The following RALY variants were observed in gnomAD, a reference collection of about 807,000 sequenced individuals.
RALY encodes RNA-binding protein Raly.
A neutral mutation model predicts 30.7 loss-of-function variants in RALY; 15 were observed. That is an observed-to-expected ratio of 0.49 (90% confidence interval 0.33 to 0.75). The LOEUF is 0.75. RALY is among the 30% of genes least tolerant of loss of function. RALY has a pLI of 0.02. For synonymous variants in RALY, 177 were observed against 170.8 expected, an observed-to-expected ratio of 1.04 and a Z score of -0.28; for missense variants, 339 against 414.3, an observed-to-expected ratio of 0.82 and a Z score of 1.58.
intron 1 of RALY, among the ~76,000 whole-genome samples, chr20:34,008,784 G>T (rs2031275231): frequency 6.6e-6 from 1 of 152,066 alleles, no homozygotes; most frequent in East Asian, 1.9e-4. Context: ...TCAGTCTCCT[G>T]AGTAGCTGGA....
intron 2 of RALY, among the ~76,000 whole-genome samples, chr20:34,051,688 T>C (rs1375223745): frequency 6.6e-6 from 1 of 152,122 alleles, no homozygotes; most frequent in Non-Finnish European, 1.5e-5. Context: ...CTCCGCCCCC[T>C]GGGTTCATGC....
chr20:34,030,871 C>G (rs532837352), intron 1 of RALY, among the ~76,000 whole-genome samples: 1 of 152,324 alleles, frequency 6.6e-6, no homozygotes, highest in South Asian at 2.1e-4. Context: ...CAGATCTTTT[C>G]ATGTCTTACC....
At chr20:34,021,879 A>G (rs573831172) in intron 1 of RALY, among the ~76,000 whole-genome samples, 1 of 151,106 alleles carries the variant, frequency 6.6e-6, no homozygotes, top group Non-Finnish European at 1.5e-5. Flanking sequence ...TATTAAAAAA[A>G]TTTTTTTTAA....
At chr20:34,045,176 A>G (rs2032837383) in intron 2 of RALY, among the ~76,000 whole-genome samples, 1 of 152,110 alleles carries the variant, frequency 6.6e-6, no homozygotes, top group Admixed American at 6.6e-5. Context: ...AGGCCTCCCA[A>G]AATGTTGGGA....
intron 2 of RALY, among the ~76,000 whole-genome samples, chr20:34,041,408 C>T (rs2032694454): frequency 6.6e-6 from 1 of 152,200 alleles, no homozygotes; most frequent in African/African-American, 2.4e-5. Context: ...AGGAATCTGC[C>T]TTTATGTGAC....
intron 6 of RALY, 165 bp downstream of exon 6, chr20:34,076,205 G>A: frequency 1.1e-6 from 1 of 914,648 alleles, no homozygotes; most frequent in East Asian, 2.7e-5. Context: ...GGAAACAGCT[G>A]ATGTTTTAGG....
At chr20:34,000,611 G>C (rs1024829623) in intron 1 of RALY, among the ~76,000 whole-genome samples, 2 of 152,134 alleles carry the variant, frequency 1.3e-5, no homozygotes, top group African/African-American at 4.8e-5. Flanking sequence ...TATTGTCCCT[G>C]GGCTCTAGTC....
chr20:34,047,884 C>A (rs2032938597), intron 2 of RALY, among the ~76,000 whole-genome samples: 1 of 152,136 alleles, frequency 6.6e-6, no homozygotes, highest in South Asian at 2.1e-4. Context: ...TGCTCTGATT[C>A]CCTGACCAAC....
At chr20:34,009,482 C>A (rs960090953) in intron 1 of RALY, among the ~76,000 whole-genome samples, 1 of 151,986 alleles carries the variant, frequency 6.6e-6, no homozygotes, top group East Asian at 1.9e-4. Flanking sequence ...GTGATCTGCC[C>A]GCTTCAGCCT....
At position 34,081,126 on chromosome 20, in the gene RALY, T is replaced by C. The variant is rs1277502507; in HGVS notation, c.*1221T>C. 2 of 152,236 alleles carry C rather than the reference T, an allele frequency of 1.3e-5. No homozygotes were observed. Among genetic ancestry groups the C allele is most frequent in the Non-Finnish European group, 2.9e-5 (2 of 68,082 alleles). 9.4% of individuals were successfully genotyped at this position (152,236 alleles called of 1,614,324 possible). A position where few individuals can be genotyped will look rare whatever the true frequency, so the allele number is the denominator to read the frequency against. ...ATGAATGGATCCATTTTCCCCATGT[T>C]CAAGTTCCCAAGAGAGAATCGACTG... On this transcript the variant is annotated 3_prime_UTR_variant, in exon 10 of 10. Transcript: ENST00000246194.
At chr20:34,026,279 C>T (rs1235839515) in intron 1 of RALY, among the ~76,000 whole-genome samples, 4 of 152,088 alleles carry the variant, frequency 2.6e-5, no homozygotes, top group Admixed American at 2.6e-4. Flanking sequence ...TTAACATTTA[C>T]AAAGAGGAAT....
intron 1 of RALY, among the ~76,000 whole-genome samples, chr20:34,031,004 TCCCTTCCCTCCCTCTCCCTTTCCCTC>T (rs1220509498): frequency 1.3e-5 from 2 of 151,478 alleles, no homozygotes; most frequent in African/African-American, 4.9e-5. Context: ...TTGCTTTGCT[TCCCTTCCCTCCCTCTCCCTTTCCCTC>T]CCCTTCCCTC....
intron 1 of RALY, among the ~76,000 whole-genome samples, chr20:34,007,715 G>A (rs2031221827): frequency 6.7e-6 from 1 of 150,088 alleles, no homozygotes; most frequent in Non-Finnish European, 1.5e-5. Flanking sequence ...AGCTACTTGG[G>A]AAGCTGAGGC....
intron 2 of RALY, among the ~76,000 whole-genome samples, chr20:34,046,577 G>A (rs1242363470): frequency 1.3e-5 from 2 of 152,094 alleles, no homozygotes; most frequent in Non-Finnish European, 2.9e-5. Flanking sequence ...CTGTGTGACC[G>A]GCACTTTGCT....
Position 34,076,182 on chromosome 20 carries a change from T to A in RALY, c.544+142T>A, listed in dbSNP as rs370671069. The A allele has an allele frequency of 1.5e-5, 17 of 1,098,284 alleles. 1 individual carries two copies. In the African/African-American group the frequency reaches 2.5e-4, roughly 16 times the overall value. 68.0% of individuals were successfully genotyped at this position (1,098,284 alleles called of 1,614,324 possible). On this transcript the variant is annotated intron_variant, in intron 6 of 9. Transcript: ENST00000246194. Reference sequence around the variant, plus strand: ...GCTCTAACACAGCCAAGTATTTTCATGCATTTCTAAGAGGAAACAGCTGAT... The same window carrying A: ...GCTCTAACACAGCCAAGTATTTTCAAGCATTTCTAAGAGGAAACAGCTGAT...
chr20:34,078,644 A>G, intron 9 of RALY, 91 bp downstream of exon 9: 1 of 1,274,346 alleles, frequency 7.8e-7, no homozygotes, highest in Non-Finnish European at 1.0e-6. Context: ...AAGTGTCACG[A>G]AGCATACCTG....
intron 2 of RALY, among the ~76,000 whole-genome samples, chr20:34,054,596 C>G (rs1359917684): frequency 6.6e-6 from 1 of 152,156 alleles, no homozygotes; most frequent in Non-Finnish European, 1.5e-5. Context: ...GAGGCTGAGG[C>G]AGGTGGATCA....
chr20:34,008,211 C>T lies in RALY; in HGVS notation c.-93+14080C>T, dbSNP rs192764362. On this transcript the variant is annotated intron_variant, in intron 1 of 9. Transcript: ENST00000246194. The stretch of plus-strand genomic sequence containing the variant: ...ATAAACTTTTCTTTGGATTGAGTTA[C>T]TATTTCAAGGGCAGCTACTCTTTTT... 1.5e-3 allele frequency among the ~76,000 whole-genome samples: 232 copies of T among 152,264 alleles called. No homozygotes were observed. The Middle Eastern group carries it at 0.017, about 11-fold the overall frequency.
chr20:34,077,078 G>C lies in RALY; in HGVS notation c.709G>C (p.Gly237Arg), dbSNP rs1486588584. 2 of 1,605,338 alleles carry C rather than the reference G, an allele frequency of 1.2e-6. No individual in the cohort carries two copies. Among genetic ancestry groups the C allele is most frequent in the South Asian group, 1.1e-5 (1 of 90,336 alleles). ...TGGCGCCGGCGGCGGCGGCGGTGGT[G>C]GTGGCAGCGGTGGCGGTGGCAGTGG... ...GGGAGGGGGG[G>R]GSGGGGSGGG... Residue 237 changes from glycine (G) to arginine (R), a missense_variant, in exon 8 of 10, where the codon GGT (glycine) becomes CGT (arginine). Transcript: ENST00000246194.
Sources: gnomAD v4.1 joint callset for allele counts (sites outside exome capture counted in the v4.1 genomes callset) on GRCh38, gnomAD v4.1.1 for gene constraint, MANE v1.5 for transcripts, NCBI Gene and HGNC (gene_info 2026-07-23, HGNC 2026-07-21) for gene names.